CLEC16A: variants seen among roughly 807,000 people sequenced by gnomAD.
The protein encoded by CLEC16A is protein CLEC16A.
In CLEC16A, 51 loss-of-function variants were observed where a neutral mutation model predicts 109.5. That is an observed-to-expected ratio of 0.47 (90% CI 0.37 to 0.59). The LOEUF (loss-of-function observed/expected upper bound fraction) is 0.59, where lower values mean the gene tolerates loss of function less well. CLEC16A is among the 20% of genes least tolerant of loss of function. The pLI is 0.00. For synonymous variants in CLEC16A, 673 were observed against 564.2 expected, an observed-to-expected ratio of 1.19 and a Z score of -2.73; for missense variants, 1,339 against 1,394.0, an observed-to-expected ratio of 0.96 and a Z score of 0.63.
intron 23 of CLEC16A, among the ~76,000 whole-genome samples, chr16:11,167,688 G>A (rs549563695): frequency 1.3e-5 from 2 of 152,086 alleles, no homozygotes; most frequent in East Asian, 1.9e-4. Context: ...TTGACTTCAC[G>A]AGGCCCAGGC....
In CLEC16A at chr16:11,037,162, C is replaced by T. The variant is rs995570263; in HGVS notation, c.1538-2592C>T. On this transcript the variant is annotated intron_variant, in intron 13 of 23. Coordinates refer to ENST00000409790, the MANE Select transcript of CLEC16A (RefSeq NM_015226.3). ...TCATTCCTGCTGTACCCAGCTGTCC[C>T]CCTAAGAGAGGGTGAGCCCAGGGAC... Among the ~76,000 whole-genome samples the T allele has an allele frequency of 4.6e-5, 7 of 152,210 alleles. 1 individual carries two copies. In the South Asian group the frequency reaches 1.4e-3, roughly 32 times the overall value.
rs200096726 is a variant in CLEC16A, at chr16:11,123,744, C to T, written c.2271C>T (p.Asp757=). The T allele has an allele frequency of 6.2e-7, 1 of 1,614,056 alleles. No individual in the cohort carries two copies. The part of the protein sequence containing the change: ...GVVKFAGLLQ[D]MQVTGVEDDS... ...TTCCTTTGCTTCTCACTGTGCAGGA[C>T]ATGCAGGTGACTGGCGTGGAGGACG... is the stretch of plus-strand genomic sequence containing the variant. Residue 757 remains aspartate (D), a splice_region_variant and synonymous_variant, in exon 21 of 24, where the codon GAC becomes GAT. Coordinates refer to ENST00000409790, the MANE Select transcript of CLEC16A (RefSeq NM_015226.3).
intron 11 of CLEC16A, among the ~76,000 whole-genome samples, chr16:11,012,805 G>A (rs982058193): frequency 6.6e-6 from 1 of 152,106 alleles, no homozygotes; most frequent in African/African-American, 2.4e-5. Context: ...TAGGCTTGTT[G>A]AATGCTTTCA....
rs1331656843 is a variant in CLEC16A, at chr16:11,051,504, C to T, written c.1867-9C>T. The stretch of plus-strand genomic sequence containing the variant: ...TCTGCTTTGAGGTTTCCTGTAATGT[C>T]TCTTCTAGATGAAGCCCATGAACGT... On this transcript the variant is annotated splice_polypyrimidine_tract_variant and intron_variant, in intron 17 of 23. Coordinates refer to ENST00000409790, the MANE Select transcript of CLEC16A (RefSeq NM_015226.3). 1 of 1,610,346 alleles carries T rather than the reference C, an allele frequency of 6.2e-7. No individual in the cohort carries two copies. Among genetic ancestry groups the T allele is most frequent in the South Asian group, 1.1e-5 (1 of 91,014 alleles).
chr16:11,077,700 T>C (rs891971676), intron 19 of CLEC16A, among the ~76,000 whole-genome samples: 9 of 152,218 alleles, frequency 5.9e-5, no homozygotes, highest in African/African-American at 2.2e-4. Flanking sequence ...TTAAGAACTC[T>C]GGTGGAGGGT....
chr16:11,036,256 C>T (rs1237666950), intron 13 of CLEC16A, among the ~76,000 whole-genome samples: 2 of 152,052 alleles, frequency 1.3e-5, no homozygotes, highest in Non-Finnish European at 2.9e-5. Flanking sequence ...GGCACGAAGC[C>T]TTGCCTGTCC....
At chr16:10,966,426 A>T (rs1308699419) in intron 3 of CLEC16A, among the ~76,000 whole-genome samples, 3 of 152,196 alleles carry the variant, frequency 2.0e-5, no homozygotes, top group Non-Finnish European at 4.4e-5. Context: ...GGGCAGGGGC[A>T]TGAGGAAGTC....
chr16:11,060,811 G>T (rs2048440368), intron 18 of CLEC16A, 91 bp from the exon 19 acceptor site: 2 of 1,270,574 alleles, frequency 1.6e-6, no homozygotes, highest in South Asian at 2.0e-5. Context: ...TTTTTTAATA[G>T]AGAGTCATGG....
intron 19 of CLEC16A, among the ~76,000 whole-genome samples, chr16:11,069,614 T>C (rs986902766): frequency 1.4e-5 from 2 of 140,350 alleles, no homozygotes; most frequent in Non-Finnish European, 3.1e-5. Flanking sequence ...ATTTTTTTTT[T>C]AATCTTTTGT....
intron 13 of CLEC16A, 60 bp downstream of exon 13, chr16:11,024,981 C>A: frequency 8.5e-7 from 1 of 1,181,416 alleles, no homozygotes; most frequent in Non-Finnish European, 1.2e-6. Flanking sequence ...TAGCATCCTT[C>A]CCCTCTGCTG....
In CLEC16A at chr16:11,174,347, G is replaced by A; in HGVS notation, c.2807-3988G>A. The A allele has an allele frequency of 4.9e-6, 2 of 405,398 alleles. No individual in the cohort carries two copies. The highest frequency in any genetic ancestry group is 3.4e-5 in the South Asian group (2 of 58,628). 25.1% of individuals were successfully genotyped at this position (405,398 alleles called of 1,614,324 possible). A position where few individuals can be genotyped will look rare whatever the true frequency, so the allele number is the denominator to read the frequency against. ...CACGCTGCATTTCCACAGTCGGCAG[G>A]GTCCGCGCTGGCAAGGTGGGCCAAG... On this transcript the variant is annotated intron_variant, in intron 23 of 23. Coordinates refer to ENST00000409790, the MANE Select transcript of CLEC16A (RefSeq NM_015226.3). The surrounding 1 kb of genome is among the most constrained non-coding windows in gnomAD (Gnocchi z 4.7).
intron 19 of CLEC16A, among the ~76,000 whole-genome samples, chr16:11,102,504 CTG>C (rs2050978280): frequency 6.6e-6 from 1 of 152,244 alleles, no homozygotes; most frequent in Non-Finnish European, 1.5e-5. Context: ...AGCATTCACT[CTG>C]TGAACTAATT....
At chr16:11,142,802 T>C (rs150094065) in intron 22 of CLEC16A, among the ~76,000 whole-genome samples, 21 of 152,300 alleles carry the variant, frequency 1.4e-4, no homozygotes, top group African/African-American at 3.8e-4. Context: ...TTCATTCCTT[T>C]TTCCAGTAAA....
chr16:11,103,377 T>C (rs2051035354), intron 19 of CLEC16A, among the ~76,000 whole-genome samples: 1 of 152,124 alleles, frequency 6.6e-6, no homozygotes, highest in Non-Finnish European at 1.5e-5. Flanking sequence ...ATCAGGGGTT[T>C]GAGACCAGCC....
At chr16:11,049,471 C>T (rs2047818728) in intron 17 of CLEC16A, among the ~76,000 whole-genome samples, 1 of 133,902 alleles carries the variant, frequency 7.5e-6, no homozygotes, top group Admixed American at 7.2e-5. Flanking sequence ...GGGAGCTTCC[C>T]AGGTTTTTTT....
Position 11,124,038 on chromosome 16 carries a change from G to A in CLEC16A, c.2473+92G>A, listed in dbSNP as rs1403121661. On this transcript the variant is annotated intron_variant, in intron 21 of 23. Transcript: ENST00000409790. Reference sequence around the variant, plus strand: ...CACACTGACCTTGAGAACCCCCATAGCATAGAAGAAGACACGTATGATTCA... The same window carrying A: ...CACACTGACCTTGAGAACCCCCATAACATAGAAGAAGACACGTATGATTCA... The A allele has an allele frequency of 2.6e-6, 3 of 1,135,398 alleles. No individual in the cohort carries two copies. In the African/African-American group the frequency reaches 4.7e-5, roughly 18 times the overall value. 70.3% of individuals were successfully genotyped at this position (1,135,398 alleles called of 1,614,324 possible). A position where few individuals can be genotyped will look rare whatever the true frequency, so the allele number is the denominator to read the frequency against.
chr16:11,093,247 C>T (rs896517877), intron 19 of CLEC16A, among the ~76,000 whole-genome samples: 2 of 152,230 alleles, frequency 1.3e-5, no homozygotes, highest in Admixed American at 6.5e-5. Context: ...TGGAGTGGCC[C>T]TTCCCTGCCA....
chr16:11,118,025 A>T (rs1449724433), intron 19 of CLEC16A, among the ~76,000 whole-genome samples: 1 of 151,992 alleles, frequency 6.6e-6, no homozygotes, highest in Non-Finnish European at 1.5e-5. Flanking sequence ...CCTAGGCTAC[A>T]GTGCAGTGGT....
chr16:10,957,275 G>C (rs1302564771), intron 1 of CLEC16A, among the ~76,000 whole-genome samples: 1 of 152,220 alleles, frequency 6.6e-6, no homozygotes, highest in Non-Finnish European at 1.5e-5. Flanking sequence ...AACTGCTGTG[G>C]GACCCAGCCT....
Sources: gnomAD v4.1 joint callset for allele counts (sites outside exome capture counted in the v4.1 genomes callset) on GRCh38, gnomAD v4.1.1 for gene constraint, Gnocchi (gnomAD v3.1) non-coding constraint, MANE v1.5 for transcripts, NCBI Gene and HGNC (gene_info 2026-07-23, HGNC 2026-07-21) for gene names.